ACTG2: variants seen among roughly 807,000 people sequenced by gnomAD.
The protein encoded by ACTG2 is actin gamma 2, smooth muscle.
In ACTG2, 16 loss-of-function variants were observed where a neutral mutation model predicts 37.6. The observed-to-expected ratio is 0.43, with a 90% CI of 0.29 to 0.65. The LOEUF (loss-of-function observed/expected upper bound fraction) is 0.65. Among genes scored for constraint, ACTG2 ranks in the 30% least tolerant of loss-of-function variants. ACTG2 has a pLI of 0.18. For missense variants in ACTG2, 238 were observed against 490.9 expected, an observed-to-expected ratio of 0.48 and a Z score of 4.87; for synonymous variants, 181 against 179.9, an observed-to-expected ratio of 1.01 and a Z score of -0.05.
At chr2:73,898,345 A>G (rs1679795421) in intron 1 of ACTG2, among the ~76,000 whole-genome samples, 1 of 35,370 alleles carries the variant, frequency 2.8e-5, no homozygotes, top group Non-Finnish European at 1.3e-4. Context: ...CACCTACCAA[A>G]GCAACTTGCA....
intron 1 of ACTG2, among the ~76,000 whole-genome samples, chr2:73,898,934 C>G (rs1478320514): frequency 2.0e-5 from 3 of 151,464 alleles, no homozygotes; most frequent in Admixed American, 2.0e-4. Flanking sequence ...TCCCGAGTAG[C>G]TGGGACTACA....
At chr2:73,897,866 C>T (rs1679783379) in intron 1 of ACTG2, among the ~76,000 whole-genome samples, 3 of 152,094 alleles carry the variant, frequency 2.0e-5, no homozygotes, top group Admixed American at 6.5e-5. Context: ...GGACCAAATT[C>T]GCCCTTTTAT....
intron 3 of ACTG2, among the ~76,000 whole-genome samples, chr2:73,906,286 C>T (rs1026770852): frequency 6.6e-6 from 1 of 151,438 alleles, no homozygotes; most frequent in African/African-American, 2.4e-5. Flanking sequence ...CACATCTCTA[C>T]TAAAAATACA....
At chr2:73,900,255 C>T (rs1181271541) in intron 1 of ACTG2, among the ~76,000 whole-genome samples, 3 of 152,230 alleles carry the variant, frequency 2.0e-5, no homozygotes, top group Admixed American at 6.5e-5. Flanking sequence ...ACTTCTGCCC[C>T]GCCCCACTGG....
intron 5 of ACTG2, among the ~76,000 whole-genome samples, chr2:73,912,739 A>G (rs768943219): frequency 1.3e-5 from 2 of 152,238 alleles, no homozygotes. Context: ...TCTGCAAATA[A>G]TGACAATTTT....
intron 7 of ACTG2, 109 bp from the exon 8 acceptor site, chr2:73,916,475 G>A (rs973161953): frequency 3.1e-6 from 3 of 953,768 alleles, no homozygotes; most frequent in South Asian, 1.7e-5. Flanking sequence ...AGATATTAAG[G>A]TTCTGAACTA....
chr2:73,904,931 T>A (rs1330064527), intron 3 of ACTG2, among the ~76,000 whole-genome samples: 1 of 151,108 alleles, frequency 6.6e-6, no homozygotes, highest in Admixed American at 6.6e-5. Flanking sequence ...CTAAAGTATG[T>A]TTGCAGAAAT....
At chr2:73,916,789 C>T (rs368229927) in intron 8 of ACTG2, 24 bp downstream of exon 8, 11 of 1,607,238 alleles carry the variant, frequency 6.8e-6, no homozygotes, top group Non-Finnish European at 9.3e-6. Flanking sequence ...CAGTTGTCTC[C>T]ATCCTGTTCT....
chr2:73,907,341 C>T (rs931510659), intron 3 of ACTG2, among the ~76,000 whole-genome samples: 14 of 152,170 alleles, frequency 9.2e-5, no homozygotes, highest in Admixed American at 7.9e-4. Context: ...TCAAATGACC[C>T]TGTGCCTCAC....
At chr2:73,910,870 G>T (rs2462123) in intron 5 of ACTG2, among the ~76,000 whole-genome samples, 118,580 of 151,782 alleles carry the variant, frequency 0.78, 46,591 homozygotes, top group Admixed American at 0.83. Context: ...GCCAAAAATA[G>T]TTTCATTTAT....
intron 8 of ACTG2, among the ~76,000 whole-genome samples, chr2:73,917,462 G>A (rs925872098): frequency 1.3e-5 from 2 of 152,130 alleles, no homozygotes; most frequent in Non-Finnish European, 2.9e-5. Flanking sequence ...AGGGCCTCTC[G>A]CCTCCTGGGC....
At chr2:73,901,760 G>T (rs1224154736) in intron 2 of ACTG2, 2 of 335,712 alleles carry the variant, frequency 6.0e-6, no homozygotes, top group South Asian at 9.0e-5. Context: ...CATTTGGGGG[G>T]TTGCCAGGTT....
At chr2:73,908,540 C>A in intron 3 of ACTG2, 133 bp from the exon 4 acceptor site, 1 of 769,362 alleles carries the variant, frequency 1.3e-6, no homozygotes, top group Non-Finnish European at 2.1e-6. Context: ...ATTTCCAGGG[C>A]TGACCATTCT....
chr2:73,909,389 C>A (rs1474847810), intron 5 of ACTG2, among the ~76,000 whole-genome samples: 2 of 152,212 alleles, frequency 1.3e-5, no homozygotes, highest in Non-Finnish European at 1.5e-5. Context: ...TACACATACA[C>A]ACATTCCAAC....
At chr2:73,896,589 G>A (rs533312126) in intron 1 of ACTG2, among the ~76,000 whole-genome samples, 2 of 152,146 alleles carry the variant, frequency 1.3e-5, no homozygotes, top group South Asian at 2.1e-4. Flanking sequence ...GAGGAGCAGT[G>A]GGAGGATTTC....
intron 3 of ACTG2, among the ~76,000 whole-genome samples, chr2:73,903,939 C>CAAAAAAAAAAAAAAAAAAAAAAAAA: frequency 1.1e-5 from 1 of 90,022 alleles, no homozygotes; most frequent in Non-Finnish European, 2.1e-5. Flanking sequence ...GACTCCGTCT[C>CAAAAAAAAAAAAAAAAAAAAAAAAA]AAAAAAAAAA....
At chr2:73,908,644 C>A in intron 3 of ACTG2, 29 bp from the exon 4 acceptor site, 1 of 1,556,286 alleles carries the variant, frequency 6.4e-7, no homozygotes, top group Admixed American at 1.9e-5. Context: ...GGGAGTCTGC[C>A]AGGCTCATAT....
At chr2:73,913,451 A>G in intron 5 of ACTG2, 34 bp from the exon 6 acceptor site, 1 of 1,536,130 alleles carries the variant, frequency 6.5e-7, no homozygotes, top group Non-Finnish European at 8.8e-7. Context: ...GGCAAGAATG[A>G]GAATTTTATA....
intron 1 of ACTG2, among the ~76,000 whole-genome samples, chr2:73,900,570 C>T (rs1469038798): frequency 3.3e-5 from 5 of 152,190 alleles, no homozygotes; most frequent in Non-Finnish European, 7.3e-5. Flanking sequence ...GGAGTCCCTT[C>T]TTTTCCTCTC....
Sources: allele counts gnomAD v4.1 joint callset (sites outside exome capture counted in the v4.1 genomes callset), GRCh38; gene constraint gnomAD v4.1.1; transcripts MANE v1.5; gene names NCBI Gene and HGNC (gene_info 2026-07-23, HGNC 2026-07-21).